Variants in TUBGCP4 observed in about 807,000 individuals in gnomAD.
TUBGCP4 encodes the protein tubulin gamma complex component 4.
Under a neutral mutation model 91.6 loss-of-function variants are expected in TUBGCP4, and 54 were observed. The ratio of observed to expected loss-of-function variants is 0.59; its 90% CI spans 0.47 to 0.74. The LOEUF is 0.74. Ranked by LOEUF, TUBGCP4 falls within the 30% of genes least tolerant of loss-of-function variation. The pLI is 0.00. For synonymous variants in TUBGCP4, 297 were observed against 302.8 expected, an observed-to-expected ratio of 0.98 and a Z score of 0.20; for missense variants, 593 against 800.9, an observed-to-expected ratio of 0.74 and a Z score of 3.13.
chr15:43,387,756 CTGGCCCGCA>C (rs2044400652), intron 9 of TUBGCP4, among the ~76,000 whole-genome samples: 1 of 152,144 alleles, frequency 6.6e-6, no homozygotes, highest in Non-Finnish European at 1.5e-5. Flanking sequence ...GCCACTGCGC[CTGGCCCGCA>C]TGAGGAAATT....
intron 9 of TUBGCP4, among the ~76,000 whole-genome samples, chr15:43,386,740 A>AT (rs2044381672): frequency 6.6e-6 from 1 of 151,260 alleles, no homozygotes; most frequent in African/African-American, 2.4e-5. Flanking sequence ...AAAAAAAAAA[A>AT]AAAAAAAAAG....
At position 43,404,463 on chromosome 15, in the gene TUBGCP4, G is replaced by A; in HGVS notation, c.1899G>A (p.Arg633=). ...SLLFKILSSV[R]NHQINSDLAQ... ...TGTTCAAGATTCTCTCCAGTGTTCG[G>A]AATCATCAGATCAACTCAGATTTGG... is the stretch of plus-strand genomic sequence containing the variant. The change falls in exon 17 of 18, where the codon CGG becomes CGA. Residue 633 remains arginine (R), a synonymous_variant. Coordinates refer to ENST00000564079, the MANE Select transcript of TUBGCP4 (RefSeq NM_014444.5). The A allele has an allele frequency of 1.2e-6, 2 of 1,614,112 alleles. No homozygotes were observed. Among genetic ancestry groups the A allele is most frequent in the Non-Finnish European group, 1.7e-6 (2 of 1,180,006 alleles).
intron 9 of TUBGCP4, among the ~76,000 whole-genome samples, chr15:43,391,077 G>A (rs969856394): frequency 2.0e-5 from 3 of 151,220 alleles, no homozygotes; most frequent in African/African-American, 7.3e-5. Context: ...CCGGGCTAGA[G>A]TGCAGTGGTA....
rs1837628251 is a variant in TUBGCP4 at position 43,409,395 on chromosome 15, T to C, written c.*4181T>C. 1.8e-6 allele frequency: 1 copy of C among 545,554 alleles called. No homozygotes were observed. The highest frequency in any genetic ancestry group is 3.2e-6 in the Non-Finnish European group (1 of 308,626). 33.8% of individuals were successfully genotyped at this position (545,554 alleles called of 1,614,324 possible). On this transcript the variant is annotated 3_prime_UTR_variant, in exon 18 of 18. Transcript: ENST00000564079. The stretch of plus-strand genomic sequence containing the variant: ...CAACCCTAATAGGGGTTTCTACTAC[T>C]AAACATAAACATCAATCTTCTTTTG...
chr15:43,374,997 G>C (rs1052657905), intron 1 of TUBGCP4, among the ~76,000 whole-genome samples: 4 of 152,204 alleles, frequency 2.6e-5, no homozygotes, highest in African/African-American at 7.2e-5. Context: ...CCGCCTCCCG[G>C]GTTTAAGCAG....
At position 43,408,894 on chromosome 15, in the gene TUBGCP4, T is replaced by C. The variant is rs1265152823; in HGVS notation, c.*3680T>C. On this transcript the variant is annotated 3_prime_UTR_variant, in exon 18 of 18. Coordinates refer to ENST00000564079, the MANE Select transcript of TUBGCP4 (RefSeq NM_014444.5). ...CAATTCTGGATGGGCTTCAAATACT[T>C]ACCAGTCCAGAATTCTTTGCTCCTC... 2 of 1,614,026 alleles carry C rather than the reference T, an allele frequency of 1.2e-6. No individual in the cohort carries two copies. Among genetic ancestry groups the C allele is most frequent in the East Asian group, 4.5e-5 (2 of 44,870 alleles).
Position 43,406,900 on chromosome 15 carries a change from C to CAA in TUBGCP4, c.*1687_*1688insAA. 1 of 259,208 alleles carries CAA rather than the reference C, an allele frequency of 3.9e-6. No homozygotes were observed. Among genetic ancestry groups the CAA allele is most frequent in the South Asian group, 4.5e-5 (1 of 22,172 alleles). The allele number at this position is 259,208 out of a possible 1,614,324, so 16.1% of individuals were successfully genotyped here. ...CCACAGGTGAGCTGTGATCTCAGCT[C>CAA]AGAGAGAGAGCATGAGGTCTTTTTT... On this transcript the variant is annotated 3_prime_UTR_variant, in exon 18 of 18. Transcript: ENST00000564079.
chr15:43,384,061 G>A lies in TUBGCP4; in HGVS notation c.723+557G>A, dbSNP rs1003272562. Among the ~76,000 whole-genome samples, 4 of 152,088 alleles carry A rather than the reference G, an allele frequency of 2.6e-5. No homozygotes were observed. In the South Asian group the frequency reaches 6.2e-4, roughly 24 times the overall value. ...ACGCCTGACCTCAGGTGATCCACCC[G>A]CCTCGGCCTGTAAGTGTTGGGATTA... On this transcript the variant is annotated intron_variant, in intron 7 of 17. Transcript: ENST00000564079.
At chr15:43,393,550 C>T (rs573309354) in intron 9 of TUBGCP4, among the ~76,000 whole-genome samples, 11 of 152,090 alleles carry the variant, frequency 7.2e-5, no homozygotes, top group Middle Eastern at 3.4e-3. Flanking sequence ...CACCCATTAA[C>T]TCGTTATTTA....
chr15:43,373,911 C>G (rs2044162996), intron 1 of TUBGCP4, among the ~76,000 whole-genome samples: 1 of 152,110 alleles, frequency 6.6e-6, no homozygotes, highest in Non-Finnish European at 1.5e-5. Context: ...CTCGGCCTCC[C>G]AAAGTGCTGG....
Position 43,393,817 on chromosome 15 carries a change from G to A in TUBGCP4, c.1015-1290G>A, listed in dbSNP as rs575406057. 5.3e-5 allele frequency among the ~76,000 whole-genome samples: 8 copies of A among 152,230 alleles called. No individual in the cohort carries two copies. In the South Asian group the frequency reaches 1.0e-3, roughly 20 times the overall value. The stretch of plus-strand genomic sequence containing the variant: ...CTGCATAGTATTCCATGGTGTATAT[G>A]TGCCACATTTACGATTAACAAAATG... On this transcript the variant is annotated intron_variant, in intron 9 of 17. Coordinates refer to ENST00000564079, the MANE Select transcript of TUBGCP4 (RefSeq NM_014444.5).
chr15:43,385,491 A>C, intron 7 of TUBGCP4: 1 of 479,584 alleles, frequency 2.1e-6, no homozygotes, highest in Admixed American at 2.7e-5. Flanking sequence ...AAAAAAGACC[A>C]CCTCTTTCAT....
At chr15:43,374,856 G>A (rs2044180564) in intron 1 of TUBGCP4, among the ~76,000 whole-genome samples, 2 of 152,230 alleles carry the variant, frequency 1.3e-5, no homozygotes, top group Admixed American at 1.3e-4. Flanking sequence ...TCTGGCATGT[G>A]CTACAACATG....
At chr15:43,398,011 T>G (rs369951616) in intron 12 of TUBGCP4, 30 bp from the exon 13 acceptor site, 2 of 1,589,512 alleles carry the variant, frequency 1.3e-6, no homozygotes, top group African/African-American at 2.7e-5. Context: ...TTGTTATCTT[T>G]TCTTTTTTTC....
In TUBGCP4 at chr15:43,397,332, C is replaced by G. The variant is rs1331672915; in HGVS notation, c.1279+11C>G. On this transcript the variant is annotated intron_variant, in intron 12 of 17. Coordinates refer to ENST00000564079, the MANE Select transcript of TUBGCP4 (RefSeq NM_014444.5). ...GAAAGGAGCACAAAGGTTTGCCATT[C>G]CTCCCTGCCACCTTAGAGTTCCTGC... is the stretch of plus-strand genomic sequence containing the variant. 3.8e-6 allele frequency: 6 copies of G among 1,593,410 alleles called. No homozygotes were observed. The highest frequency in any genetic ancestry group is 5.2e-6 in the Non-Finnish European group (6 of 1,161,046).
chr15:43,385,992 A>G (rs767796259), intron 8 of TUBGCP4, 36 bp downstream of exon 8: 1 of 1,609,408 alleles, frequency 6.2e-7, no homozygotes, highest in Non-Finnish European at 8.5e-7. Context: ...CACACCCTCA[A>G]AATCTCTTCT....
chr15:43,397,215 T>C lies in TUBGCP4; in HGVS notation c.1173T>C (p.Asp391=). 1 of 1,613,648 alleles carries C rather than the reference T, an allele frequency of 6.2e-7. No individual in the cohort carries two copies. Among genetic ancestry groups the C allele is most frequent in the Non-Finnish European group, 8.5e-7 (1 of 1,179,536 alleles). ...CAGCCTGCGTGTTCTTTCTTGCAGA[T>C]GTGAATGTGGCCTTTCAACAGTCAG... The part of the protein sequence containing the change: ...KTPPTAVTEH[D]VNVAFQQSAH... Residue 391 remains aspartate (D), a splice_region_variant and synonymous_variant, in exon 12 of 18, where the codon GAT becomes GAC. Coordinates refer to ENST00000564079, the MANE Select transcript of TUBGCP4 (RefSeq NM_014444.5).
Position 43,400,131 on chromosome 15 carries a change from G to T in TUBGCP4, c.1506G>T (p.Lys502Asn). 1.2e-6 allele frequency: 2 copies of T among 1,614,220 alleles called. No homozygotes were observed. Among genetic ancestry groups the T allele is most frequent in the Non-Finnish European group, 1.7e-6 (2 of 1,180,046 alleles). Residue 502 changes from lysine (K) to asparagine (N), a missense_variant, in exon 14 of 18, where the codon AAG becomes AAT. Coordinates refer to ENST00000564079, the MANE Select transcript of TUBGCP4 (RefSeq NM_014444.5). ...GCTGGGCCCTACAAATGCAGCGCAA[G>T]CACCTCAAGTCGAACCAGACTGATG... ...QHCWALQMQR[K>N]HLKSNQTDAI...
rs930392109 is a variant in TUBGCP4, at chr15:43,405,870, A to T, written c.*656A>T. 5.3e-5 allele frequency: 8 copies of T among 151,970 alleles called. No homozygotes were observed. The highest frequency in any genetic ancestry group is 1.7e-4 in the African/African-American group (7 of 41,342). The allele number at this position is 151,970 out of a possible 1,614,324, so 9.4% of individuals were successfully genotyped here. On this transcript the variant is annotated 3_prime_UTR_variant, in exon 18 of 18. Transcript: ENST00000564079. ...GCCTGACCAACATGATGAAACCTCG[A>T]TTCTACTAAAAATACAAAAATTAGC...
Sources: allele counts gnomAD v4.1 joint callset (sites outside exome capture counted in the v4.1 genomes callset), GRCh38; gene constraint gnomAD v4.1.1; transcripts MANE v1.5; gene names NCBI Gene and HGNC (gene_info 2026-07-23, HGNC 2026-07-21).